The following VSIG10L2 variants were observed in gnomAD, a reference collection of about 807,000 sequenced individuals.
The protein encoded by VSIG10L2 is V-set and immunoglobulin domain-containing protein 10-like 2.
VSIG10L2 carries 56 observed loss-of-function variants against 67.1 expected under a neutral mutation model. That is an observed-to-expected ratio of 0.83 (90% confidence interval 0.67 to 1.04). The LOEUF is 1.04. VSIG10L2 is among the 50% of genes least tolerant of loss of function. The probability of loss-of-function intolerance (pLI) is 0.00; values close to 1 mark genes in which losing one functional copy is unlikely to be tolerated. For synonymous variants in VSIG10L2, 360 were observed against 396.6 expected, an observed-to-expected ratio of 0.91 and a Z score of 1.10; for missense variants, 843 against 932.8, an observed-to-expected ratio of 0.90 and a Z score of 1.25.
In VSIG10L2 at chr11:125,953,522, C is replaced by T; in HGVS notation, c.1618C>T (p.Gln540Ter). 8.1e-7 allele frequency: 1 copy of T among 1,232,252 alleles called. No individual in the cohort carries two copies. Among genetic ancestry groups the T allele is most frequent in the Non-Finnish European group, 1.0e-6 (1 of 988,064 alleles). The allele number at this position is 1,232,252 out of a possible 1,614,324, so 76.3% of individuals were successfully genotyped here. A position where few individuals can be genotyped will look rare whatever the true frequency, so the allele number is the denominator to read the frequency against. The part of the protein sequence containing the change: ...PAQLLWLGPQ[Q>*]QKVDPGTSGF... ...CCAGCTCCTCTGGCTGGGGCCTCAACAACAAAAAGTGGACCCCGGCACTTC... is the reference window on the plus strand; with the variant it reads ...CCAGCTCCTCTGGCTGGGGCCTCAATAACAAAAAGTGGACCCCGGCACTTC... The change falls in exon 7 of 12, where the codon CAA becomes TAA. Residue 540 changes from glutamine (Q) to a stop codon, truncating the protein, a stop_gained. Coordinates refer to ENST00000686984, the MANE Select transcript of VSIG10L2 (RefSeq NM_001365077.2). LOFTEE classifies it high-confidence loss of function.
At chr11:125,955,568 G>GC (rs1565479016) in intron 10 of VSIG10L2, 47 bp from the exon 11 acceptor site, 1 of 1,471,648 alleles carries the variant, frequency 6.8e-7, no homozygotes, top group Non-Finnish European at 9.1e-7. Context: ...AAAGGAAAGC[G>GC]AGGGAAGTGA....
chr11:125,955,974 C>G lies in VSIG10L2; in HGVS notation c.*60C>G. On this transcript the variant is annotated 3_prime_UTR_variant, in exon 12 of 12. Transcript: ENST00000686984. ...GGGCAGGTGGGATTTGGGAAGAGCC[C>G]TTCTGTCAGACTTTGGTCATAAAAC... is the stretch of plus-strand genomic sequence containing the variant. The G allele has an allele frequency of 1.6e-6, 1 of 639,688 alleles. No homozygotes were observed. Among genetic ancestry groups the G allele is most frequent in the African/African-American group, 1.8e-5 (1 of 55,092 alleles). The allele number at this position is 639,688 out of a possible 1,614,324, so 39.6% of individuals were successfully genotyped here.
At position 125,946,801 on chromosome 11, in the gene VSIG10L2, G is replaced by C. The variant is rs1377172828; in HGVS notation, c.82+664G>C. ...GATCTGCCCGCCTCAGCCTCCCAGA[G>C]TGCTGGGATTACAGGCCTGAGCCAC... On this transcript the variant is annotated intron_variant, in intron 1 of 11. Transcript: ENST00000686984. The surrounding 1 kb of genome is among the most constrained non-coding windows in gnomAD (Gnocchi z 4.4). Among the ~76,000 whole-genome samples, 2 of 152,190 alleles carry C rather than the reference G, an allele frequency of 1.3e-5. No homozygotes were observed. Among genetic ancestry groups the C allele is most frequent in the African/African-American group, 4.8e-5 (2 of 41,458 alleles).
chr11:125,953,863 C>T (rs1945412494), intron 7 of VSIG10L2, among the ~76,000 whole-genome samples, 173 bp downstream of exon 7: 1 of 152,220 alleles, frequency 6.6e-6, no homozygotes, highest in Admixed American at 6.5e-5. Flanking sequence ...GCGCGTGAAT[C>T]TGCTGCACTC....
In VSIG10L2 at chr11:125,951,949, C is replaced by A. The variant is rs748782762; in HGVS notation, c.1371C>A (p.Gly457=). The part of the protein sequence containing the change: ...GWLDEQQQPL[G]GSSSSMAVHL... The stretch of plus-strand genomic sequence containing the variant: ...TTGACGAACAGCAGCAGCCCCTGGG[C>A]GGCAGCAGCTCCTCGATGGCCGTTC... The change falls in exon 6 of 12, where the codon GGC becomes GGA. Residue 457 remains glycine (G), a synonymous_variant. Transcript: ENST00000686984. 1.3e-6 allele frequency: 2 copies of A among 1,536,124 alleles called. No individual in the cohort carries two copies. Among genetic ancestry groups the A allele is most frequent in the East Asian group, 4.9e-5 (2 of 40,912 alleles).
rs1945383014 is a variant in VSIG10L2, at chr11:125,952,042, GA to G, written c.1465del (p.Thr489ProfsTer107). The G allele has an allele frequency of 1.3e-6, 2 of 1,535,168 alleles. No individual in the cohort carries two copies. The highest frequency in any genetic ancestry group is 1.7e-6 in the Non-Finnish European group (2 of 1,146,146). The stretch of plus-strand genomic sequence containing the variant: ...CCTGCCGGGGCACTCACCTGCTCAG[GA>G]CCCCTGACCCCCACTGCCACCTCCA... ...FTCRGTHLLR[T>X]PDPHCHLQLE... On this transcript the variant is annotated frameshift_variant, in exon 6 of 12. Coordinates refer to ENST00000686984, the MANE Select transcript of VSIG10L2 (RefSeq NM_001365077.2). LOFTEE classifies it high-confidence loss of function.
chr11:125,953,716 T>G (rs1368460507), intron 7 of VSIG10L2, 26 bp downstream of exon 7: 2 of 1,231,878 alleles, frequency 1.6e-6, no homozygotes, highest in African/African-American at 3.1e-5. Context: ...AATGCGTGTG[T>G]GTGGTGAGGT....
At chr11:125,953,800 A>C in intron 7 of VSIG10L2, 110 bp downstream of exon 7, 1 of 1,084,988 alleles carries the variant, frequency 9.2e-7, no homozygotes, top group Non-Finnish European at 1.2e-6. Flanking sequence ...CAAAATTTGG[A>C]CGCTTGAGCT....
intron 11 of VSIG10L2, 59 bp downstream of exon 11, chr11:125,955,726 G>C: frequency 7.2e-7 from 1 of 1,389,100 alleles, no homozygotes. Flanking sequence ...GCTGGGTGCT[G>C]AGGGTGATGC....
At chr11:125,955,698 G>A (rs931598804) in intron 11 of VSIG10L2, 31 bp downstream of exon 11, 14 of 1,524,210 alleles carry the variant, frequency 9.2e-6, no homozygotes, top group African/African-American at 5.5e-5. Context: ...AAGACGACTC[G>A]TGTACAAGGA....
intron 7 of VSIG10L2, 138 bp downstream of exon 7, chr11:125,953,828 G>A (rs976328028): frequency 3.6e-6 from 3 of 837,254 alleles, no homozygotes; most frequent in Admixed American, 8.6e-5. Context: ...GCATAGGCAG[G>A]ACTCAAGAGA....
At chr11:125,948,738 C>T (rs900797190) in intron 3 of VSIG10L2, among the ~76,000 whole-genome samples, 158 bp downstream of exon 3, 10 of 152,262 alleles carry the variant, frequency 6.6e-5, no homozygotes, top group African/African-American at 4.8e-5. Context: ...GTGCCGTGCC[C>T]CTGCTGCCCA....
intron 10 of VSIG10L2, 25 bp downstream of exon 10, chr11:125,955,531 T>C (rs750841369): frequency 3.0e-5 from 37 of 1,245,452 alleles, no homozygotes; most frequent in Non-Finnish European, 4.0e-5. Flanking sequence ...CCAGTCATCC[T>C]GGGGGCCAGG....
At chr11:125,951,787 C>T in intron 5 of VSIG10L2, 26 bp from the exon 6 acceptor site, 1 of 1,473,312 alleles carries the variant, frequency 6.8e-7, no homozygotes, top group Non-Finnish European at 9.0e-7. Context: ...TTCCACAGGG[C>T]CATACTGAGC....
rs915897636 is a variant in VSIG10L2 at position 125,948,329 on chromosome 11, G to A, written c.458G>A (p.Arg153Gln). The A allele has an allele frequency of 2.8e-5, 35 of 1,232,480 alleles. No homozygotes were observed. Among genetic ancestry groups the A allele is most frequent in the East Asian group, 1.3e-4 (4 of 31,706 alleles). 76.3% of individuals were successfully genotyped at this position (1,232,480 alleles called of 1,614,324 possible). Reference protein sequence around the residue: ...VLVPVSKPQVRLSNPSPVEGA... With the variant: ...VLVPVSKPQVQLSNPSPVEGA... ...GTGCCGGTGTCCAAGCCTCAAGTGC[G>A]ACTGAGTAACCCGTCCCCTGTGGAG... The change falls in exon 3 of 12, where the codon CGA (arginine) becomes CAA (glutamine). Residue 153 changes from arginine to glutamine, a missense_variant. Transcript: ENST00000686984.
rs1206810981 is a variant in VSIG10L2, at chr11:125,946,945, T to G, written c.83-741T>G. Among the ~76,000 whole-genome samples, 1 of 152,156 alleles carries G rather than the reference T, an allele frequency of 6.6e-6. No homozygotes were observed. Among genetic ancestry groups the G allele is most frequent in the Non-Finnish European group, 1.5e-5 (1 of 68,028 alleles). ...CAGCGGGGAACATGGTACTTGGGCTTAGGCTGGGGTTGAGGGCTGGGCCCT... is the reference window on the plus strand; with the variant it reads ...CAGCGGGGAACATGGTACTTGGGCTGAGGCTGGGGTTGAGGGCTGGGCCCT... On this transcript the variant is annotated intron_variant, in intron 1 of 11. Transcript: ENST00000686984. This position sits in a 1 kb window ranked among gnomAD's most constrained non-coding sequence, Gnocchi z 4.4.
Position 125,950,035 on chromosome 11 carries a change from T to A in VSIG10L2, c.731T>A (p.Ile244Asn). The change falls in exon 4 of 12, where the codon ATC becomes AAC. Residue 244 changes from isoleucine to asparagine, a missense_variant. Physicochemically the swap from Ile to Asn is moderately radical, Grantham distance 149 (BLOSUM62 -3). Coordinates refer to ENST00000686984, the MANE Select transcript of VSIG10L2 (RefSeq NM_001365077.2). ...DVIYGPDKPV[I>N]TMEPLGLTEE... is the part of the protein sequence containing the mutation. ...CCAGATGGTCCTGACAAGCCTGTGATCACCATGGAGCCGCTGGGACTCACT... is the reference window on the plus strand; with the variant it reads ...CCAGATGGTCCTGACAAGCCTGTGAACACCATGGAGCCGCTGGGACTCACT... 2 of 1,232,322 alleles carry A rather than the reference T, an allele frequency of 1.6e-6. No homozygotes were observed. The highest frequency in any genetic ancestry group is 2.0e-6 in the Non-Finnish European group (2 of 988,084). The allele number at this position is 1,232,322 out of a possible 1,614,324, so 76.3% of individuals were successfully genotyped here. A position where few individuals can be genotyped will look rare whatever the true frequency, so the allele number is the denominator to read the frequency against.
rs1283119653 is a variant in VSIG10L2, at chr11:125,948,206, G to T, written c.434-99G>T. On this transcript the variant is annotated intron_variant, in intron 2 of 11. Coordinates refer to ENST00000686984, the MANE Select transcript of VSIG10L2 (RefSeq NM_001365077.2). ...AGGAAGGGATGGTCAGGGTGGGTGGGCTGGTGAGTCCCCAGCCAGCAGGGG... is the reference window on the plus strand; with the variant it reads ...AGGAAGGGATGGTCAGGGTGGGTGGTCTGGTGAGTCCCCAGCCAGCAGGGG... The T allele has an allele frequency of 7.3e-6, 9 of 1,231,826 alleles. No individual in the cohort carries two copies. In the African/African-American group the frequency reaches 1.1e-4, roughly 15 times the overall value. 76.3% of individuals were successfully genotyped at this position (1,231,826 alleles called of 1,614,324 possible).
At position 125,953,431 on chromosome 11, in the gene VSIG10L2, C is replaced by T. The variant is rs1040499789; in HGVS notation, c.1527C>T (p.Arg509=). The T allele has an allele frequency of 8.1e-6, 10 of 1,232,288 alleles. No homozygotes were observed. The highest frequency in any genetic ancestry group is 4.2e-5 in the Admixed American group (1 of 23,708). The allele number at this position is 1,232,288 out of a possible 1,614,324, so 76.3% of individuals were successfully genotyped here. ...CACAGCTGGACGTGGCTGAGCCCCG[C>T]GTGTCAGTGTTGGAGGGGGGAGAGG... is the stretch of plus-strand genomic sequence containing the variant. ...EAPQLDVAEP[R]VSVLEGGEAW... is the part of the protein sequence containing the mutation. The change falls in exon 7 of 12, where the codon CGC becomes CGT. Residue 509 remains arginine, a synonymous_variant. Coordinates refer to ENST00000686984, the MANE Select transcript of VSIG10L2 (RefSeq NM_001365077.2).
Sources: gnomAD v4.1 joint callset for allele counts (sites outside exome capture counted in the v4.1 genomes callset) on GRCh38, gnomAD v4.1.1 for gene constraint, Gnocchi (gnomAD v3.1) non-coding constraint, MANE v1.5 for transcripts, NCBI Gene and HGNC (gene_info 2026-07-23, HGNC 2026-07-21) for gene names.